TXNL4B: variants seen among roughly 807,000 people sequenced by gnomAD.
TXNL4B encodes thioredoxin-like protein 4B.
In TXNL4B, 12 loss-of-function variants were observed where a neutral mutation model predicts 13.0. The ratio of observed to expected loss-of-function variants is 0.92; its 90% CI spans 0.59 to 1.49. The LOEUF (loss-of-function observed/expected upper bound fraction) is 1.49, where lower values mean the gene tolerates loss of function less well. Ranked by LOEUF, TXNL4B falls within the 40% of genes most tolerant of loss-of-function variation. The pLI, the probability that TXNL4B is intolerant of heterozygous loss-of-function variation, is 0.00. For missense variants in TXNL4B, 214 were observed against 173.6 expected (o/e 1.23, Z -1.31); for synonymous variants, 59 against 58.9 (o/e 1.00, Z -0.01).
At position 72,086,876 on chromosome 16, in the gene TXNL4B, C is replaced by T. The variant is rs2041831328; in HGVS notation, c.285-74G>A. On this transcript the variant is annotated intron_variant, in intron 3 of 3. Coordinates refer to ENST00000268483, the MANE Select transcript of TXNL4B (RefSeq NM_017853.3). ...ACTTGTTGAAGACTTTCAGGATAAA[C>T]AAAATGAAAAACAGCTTTGTTATTT... The T allele has an allele frequency of 3.3e-6, 4 of 1,210,306 alleles. No individual in the cohort carries two copies. The East Asian group carries it at 7.4e-5, about 22-fold the overall frequency. The allele number at this position is 1,210,306 out of a possible 1,614,324, so 75.0% of individuals were successfully genotyped here.
rs2285987 is a variant in TXNL4B at position 72,085,293 on chromosome 16, C to T, written c.*1344G>A. On this transcript the variant is annotated 3_prime_UTR_variant, in exon 4 of 4. Coordinates refer to ENST00000268483, the MANE Select transcript of TXNL4B (RefSeq NM_017853.3). ...CAGTGCTGCTCTGAACAGGACTAGG[C>T]TTCTGTTGGAGAGGTGGTCAGCGGC... 4.1e-5 allele frequency: 13 copies of T among 316,436 alleles called. No individual in the cohort carries two copies. In the East Asian group the frequency reaches 6.5e-4, roughly 16 times the overall value. The allele number at this position is 316,436 out of a possible 1,614,324, so 19.6% of individuals were successfully genotyped here.
chr16:72,091,713 T>C (rs1200210865), intron 1 of TXNL4B, among the ~76,000 whole-genome samples: 1 of 152,248 alleles, frequency 6.6e-6, no homozygotes, highest in Non-Finnish European at 1.5e-5. Context: ...GGCTTAAAGA[T>C]TCTTCGTGTG....
At chr16:72,089,716 C>A (rs1354528274) in intron 2 of TXNL4B, among the ~76,000 whole-genome samples, 1 of 152,196 alleles carries the variant, frequency 6.6e-6, no homozygotes, top group Non-Finnish European at 1.5e-5. Context: ...GAAATGAAAA[C>A]CACGATAATT....
In TXNL4B at chr16:72,086,058, C is replaced by G. The variant is rs1463457421; in HGVS notation, c.*579G>C. On this transcript the variant is annotated 3_prime_UTR_variant, in exon 4 of 4. Transcript: ENST00000268483. ...CAGGACAATGTTTAAAAGCCAGAGC[C>G]AAAAAGGCTCCAAAATAAAACAAAC... 2.0e-5 allele frequency: 3 copies of G among 151,534 alleles called. No individual in the cohort carries two copies. Among genetic ancestry groups the G allele is most frequent in the East Asian group, 3.9e-4 (2 of 5,176 alleles). 9.4% of individuals were successfully genotyped at this position (151,534 alleles called of 1,614,324 possible).
chr16:72,086,818 G>C lies in TXNL4B; in HGVS notation c.285-16C>G. On this transcript the variant is annotated splice_polypyrimidine_tract_variant and intron_variant, in intron 3 of 3. Transcript: ENST00000268483. ...ATCTGGAGATCTAGACAGCATAGAA[G>C]AGAAACAACTGCTCTAAGAACTTTG... is the stretch of plus-strand genomic sequence containing the variant. 1 of 1,543,754 alleles carries C rather than the reference G, an allele frequency of 6.5e-7. No individual in the cohort carries two copies. The highest frequency in any genetic ancestry group is 2.3e-5 in the East Asian group (1 of 43,698).
chr16:72,092,171 G>A (rs1434454603), intron 1 of TXNL4B, among the ~76,000 whole-genome samples: 1 of 152,232 alleles, frequency 6.6e-6, no homozygotes, highest in Non-Finnish European at 1.5e-5. Flanking sequence ...CACTTTGGGA[G>A]GCCAAGGAGG....
At chr16:72,089,854 G>A (rs570027369) in intron 2 of TXNL4B, among the ~76,000 whole-genome samples, 2 of 152,262 alleles carry the variant, frequency 1.3e-5, no homozygotes, top group East Asian at 3.9e-4. Flanking sequence ...TTATAGATAG[G>A]GAAACTGAGG....
In TXNL4B at chr16:72,086,512, C is replaced by A; in HGVS notation, c.*125G>T. On this transcript the variant is annotated 3_prime_UTR_variant, in exon 4 of 4. Coordinates refer to ENST00000268483, the MANE Select transcript of TXNL4B (RefSeq NM_017853.3). ...TTCCTCAGGGGCCGGGTTTTCTACA[C>A]GCAAGTCAAACCTCTTCTCCTCTGG... is the stretch of plus-strand genomic sequence containing the variant. 1.2e-6 allele frequency: 1 copy of A among 866,334 alleles called. No individual in the cohort carries two copies. The highest frequency in any genetic ancestry group is 2.7e-5 in the East Asian group (1 of 37,730). 53.7% of individuals were successfully genotyped at this position (866,334 alleles called of 1,614,324 possible). A position where few individuals can be genotyped will look rare whatever the true frequency, so the allele number is the denominator to read the frequency against.
At chr16:72,087,682 T>G (rs2041843743) in intron 3 of TXNL4B, among the ~76,000 whole-genome samples, 1 of 152,128 alleles carries the variant, frequency 6.6e-6, no homozygotes, top group African/African-American at 2.4e-5. Flanking sequence ...TGTTGTTGTT[T>G]TGCGATGGAG....
chr16:72,092,283 G>A (rs1175471443), intron 1 of TXNL4B, among the ~76,000 whole-genome samples: 5 of 152,066 alleles, frequency 3.3e-5, no homozygotes, highest in Non-Finnish European at 7.4e-5. Flanking sequence ...GGTGGCAGAT[G>A]CCACCTGTAA....
At chr16:72,093,711 C>T (rs1217205662), upstream of TXNL4B, 3 of 152,442 alleles carry the variant, frequency 2.0e-5, no homozygotes, top group African/African-American at 7.2e-5. Context: ...GACCTTTTTC[C>T]CCTCCTTTTC....
rs2041822580 is a variant in TXNL4B, at chr16:72,086,311, G to T, written c.*326C>A. Reference sequence around the variant, plus strand: ...TATCAAATGAACATGATGAAATCAAGTTGTACTAGCCAATGTTTGGGAGGG... The same window carrying T: ...TATCAAATGAACATGATGAAATCAATTTGTACTAGCCAATGTTTGGGAGGG... On this transcript the variant is annotated 3_prime_UTR_variant, in exon 4 of 4. Transcript: ENST00000268483. 1 of 185,818 alleles carries T rather than the reference G, an allele frequency of 5.4e-6. No individual in the cohort carries two copies. Among genetic ancestry groups the T allele is most frequent in the African/African-American group, 2.3e-5 (1 of 42,806 alleles). The allele number at this position is 185,818 out of a possible 1,614,324, so 11.5% of individuals were successfully genotyped here.
chr16:72,085,891 T>C lies in TXNL4B; in HGVS notation c.*746A>G, dbSNP rs1432453077. On this transcript the variant is annotated 3_prime_UTR_variant, in exon 4 of 4. Coordinates refer to ENST00000268483, the MANE Select transcript of TXNL4B (RefSeq NM_017853.3). ...GGTGGCGGGCGCCTGTAGTCCCAGC[T>C]ACTCAGGAGGCTGAAGCAGGAAAAT... 1 of 151,490 alleles carries C rather than the reference T, an allele frequency of 6.6e-6. No individual in the cohort carries two copies. 9.4% of individuals were successfully genotyped at this position (151,490 alleles called of 1,614,324 possible). A position where few individuals can be genotyped will look rare whatever the true frequency, so the allele number is the denominator to read the frequency against.
chr16:72,093,496 C>A lies in TXNL4B; in HGVS notation c.-167G>T, dbSNP rs2041952157. Reference sequence around the variant, plus strand: ...GACAGGACCCTAAGACCAAGTCACCCAGGGGCTGTTGCCTAGCAACCCTCG... The same window carrying A: ...GACAGGACCCTAAGACCAAGTCACCAAGGGGCTGTTGCCTAGCAACCCTCG... On this transcript the variant is annotated 5_prime_UTR_variant, in exon 1 of 4. Coordinates refer to ENST00000268483, the MANE Select transcript of TXNL4B (RefSeq NM_017853.3). 1.3e-5 allele frequency: 2 copies of A among 152,282 alleles called. No individual in the cohort carries two copies. The highest frequency in any genetic ancestry group is 1.3e-4 in the Admixed American group (2 of 15,290). The allele number at this position is 152,282 out of a possible 1,614,324, so 9.4% of individuals were successfully genotyped here. A position where few individuals can be genotyped will look rare whatever the true frequency, so the allele number is the denominator to read the frequency against.
intron 1 of TXNL4B, among the ~76,000 whole-genome samples, chr16:72,091,260 G>A (rs1228601220): frequency 6.8e-6 from 1 of 148,068 alleles, no homozygotes; most frequent in Non-Finnish European, 1.5e-5. Flanking sequence ...GCCATGGGAG[G>A]AAGAAGCCAC....
upstream of TXNL4B, chr16:72,094,318 C>T (rs1270954352): frequency 2.0e-5 from 3 of 152,454 alleles, no homozygotes; most frequent in Non-Finnish European, 4.4e-5. Flanking sequence ...GTCCCTCTCC[C>T]AGGCCTCCGC....
intron 3 of TXNL4B, chr16:72,087,479 T>C (rs1255715192): frequency 1.3e-5 from 2 of 152,138 alleles, no homozygotes; most frequent in Admixed American, 1.3e-4. Context: ...TTGTTAAATG[T>C]GCATCTGCAA....
At chr16:72,093,136 C>A (rs1201950783) in intron 1 of TXNL4B, among the ~76,000 whole-genome samples, 3 of 152,040 alleles carry the variant, frequency 2.0e-5, no homozygotes, top group Non-Finnish European at 4.4e-5. Context: ...ACTGCAGAAA[C>A]ACCAAAAAAA....
intron 1 of TXNL4B, among the ~76,000 whole-genome samples, chr16:72,091,168 A>G (rs1174762084): frequency 6.6e-6 from 1 of 152,228 alleles, no homozygotes; most frequent in Non-Finnish European, 1.5e-5. Flanking sequence ...AGGCAGTTTA[A>G]TTAAGGCAGG....
Sources: gnomAD v4.1 joint callset for allele counts (sites outside exome capture counted in the v4.1 genomes callset) on GRCh38, gnomAD v4.1.1 for gene constraint, MANE v1.5 for transcripts, NCBI Gene and HGNC (gene_info 2026-07-23, HGNC 2026-07-21) for gene names.